BAZ1B: variants seen among roughly 807,000 people sequenced by gnomAD.
BAZ1B encodes tyrosine-protein kinase BAZ1B.
BAZ1B carries 22 observed loss-of-function variants against 153.8 expected under a neutral mutation model. The observed-to-expected ratio is 0.14, with a 90% confidence interval of 0.10 to 0.20. The LOEUF (loss-of-function observed/expected upper bound fraction) is 0.20, where lower values mean the gene tolerates loss of function less well. Among genes scored for constraint, BAZ1B ranks in the 10% least tolerant of loss-of-function variants. BAZ1B has a pLI of 1.00. For synonymous variants in BAZ1B, 676 were observed against 633.4 expected (o/e 1.07, Z -1.01); for missense variants, 1,325 against 1,799.3 (o/e 0.74, Z 4.77).
In BAZ1B at chr7:73,498,671, T is replaced by G. The variant is rs868931714; in HGVS notation, c.397A>C (p.Lys133Gln). The G allele has an allele frequency of 6.2e-7, 1 of 1,614,082 alleles. No homozygotes were observed. The highest frequency in any genetic ancestry group is 1.6e-4 in the Middle Eastern group (1 of 6,062). The change falls in exon 4 of 20, where the codon AAG (lysine) becomes CAG (glutamine). Residue 133 changes from lysine to glutamine, a missense_variant. Lys to Gln is a moderately conservative substitution (Grantham distance 53). Around this residue, in one of 9 missense-constraint regions of BAZ1B, gnomAD observed 153 missense variants for 204.8 expected, o/e 0.75. Transcript: ENST00000339594. ...EVGKEKMLKVKIVKIHPLEKV... is the reference protein window; with the variant it reads ...EVGKEKMLKVQIVKIHPLEKV... The stretch of plus-strand genomic sequence containing the variant: ...TCCAAAGGATGAATCTTCACAATCT[T>G]CACCTTGAGCATTTTCTCCTTCCCA...
chr7:73,521,330 C>A (rs1268972859), intron 1 of BAZ1B, among the ~76,000 whole-genome samples: 1 of 152,192 alleles, frequency 6.6e-6, no homozygotes, highest in Non-Finnish European at 1.5e-5. Context: ...AGTATCCCCG[C>A]AGAGATCGGG....
Position 73,477,842 on chromosome 7 carries a change from T to C in BAZ1B, c.1619A>G (p.Glu540Gly). 6.2e-7 allele frequency: 1 copy of C among 1,613,940 alleles called. No individual in the cohort carries two copies. The highest frequency in any genetic ancestry group is 8.5e-7 in the Non-Finnish European group (1 of 1,179,998). ...TTTCAAATATTCTTTCCGTTGTTCTTCAGACATAGAAGCCCACCTCTTTTT... is the reference window on the plus strand; with the variant it reads ...TTTCAAATATTCTTTCCGTTGTTCTCCAGACATAGAAGCCCACCTCTTTTT... ...EHKKRWASMS[E>G]EQRKEYLKKK... Residue 540 changes from glutamate to glycine, a missense_variant, in exon 7 of 20, where the codon GAA becomes GGA. This residue lies in a region of BAZ1B where 154 missense variants were observed against 266.3 expected (regional missense o/e 0.58). Transcript: ENST00000339594. The surrounding 1 kb of genome is among the most constrained non-coding windows in gnomAD (Gnocchi z 5.6).
At position 73,514,244 on chromosome 7, in the gene BAZ1B, G is replaced by A. The variant is rs370174067; in HGVS notation, c.108-3392C>T. ...AAAAAAACAAAACAAAAAAAAGTAG[G>A]GGCCGGCCAGGCACAGTGGCTCATG... On this transcript the variant is annotated intron_variant, in intron 1 of 19. Coordinates refer to ENST00000339594, the MANE Select transcript of BAZ1B (RefSeq NM_032408.4). Among the ~76,000 whole-genome samples, 16 of 152,162 alleles carry A rather than the reference G, an allele frequency of 1.1e-4. No individual in the cohort carries two copies. The South Asian group carries it at 1.9e-3, about 18-fold the overall frequency.
At chr7:73,482,069 T>A (rs868948874) in intron 6 of BAZ1B, among the ~76,000 whole-genome samples, 5 of 151,968 alleles carry the variant, frequency 3.3e-5, no homozygotes, top group Non-Finnish European at 5.9e-5. Context: ...AAAAAGAAAC[T>A]GGAATGTGTT....
Position 73,449,564 on chromosome 7 carries a change from CAGT to C in BAZ1B, c.3703_3705del (p.Thr1235del), listed in dbSNP as rs782588792. ...CACCTGCCACGGGAGTTGCGCCTGGCAGTAGCGGGCTGGCAAGCTGGGCACTGC... is the reference window on the plus strand; with the variant it reads ...CACCTGCCACGGGAGTTGCGCCTGGCAGCGGGCTGGCAAGCTGGGCACTGC... On this transcript the variant is annotated inframe_deletion, in exon 15 of 20. Transcript: ENST00000339594. 1.2e-6 allele frequency: 2 copies of C among 1,612,986 alleles called. No homozygotes were observed. Among genetic ancestry groups the C allele is most frequent in the Non-Finnish European group, 1.7e-6 (2 of 1,179,668 alleles).
At position 73,450,209 on chromosome 7, in the gene BAZ1B, G is replaced by A. The variant is rs1787986930; in HGVS notation, c.3581-520C>T. Reference sequence around the variant, plus strand: ...ATTACAGGCGTGAGCCACCGCGCCCGGCCCCTGATGGGTTCCCTTAAACCA... The same window carrying A: ...ATTACAGGCGTGAGCCACCGCGCCCAGCCCCTGATGGGTTCCCTTAAACCA... On this transcript the variant is annotated intron_variant, in intron 14 of 19. Transcript: ENST00000339594. The surrounding 1 kb of genome is among the most constrained non-coding windows in gnomAD (Gnocchi z 4.1). Among the ~76,000 whole-genome samples, 1 of 152,026 alleles carries A rather than the reference G, an allele frequency of 6.6e-6. No homozygotes were observed. The highest frequency in any genetic ancestry group is 1.5e-5 in the Non-Finnish European group (1 of 68,006).
intron 1 of BAZ1B, among the ~76,000 whole-genome samples, chr7:73,518,472 T>G (rs73134972): frequency 0.049 from 7,425 of 151,840 alleles, 205 homozygotes; most frequent in Non-Finnish European, 0.066. Context: ...ACGTAAGAGC[T>G]CAGTATTCCA....
chr7:73,445,939 C>T (rs1186723792), intron 16 of BAZ1B, among the ~76,000 whole-genome samples: 1 of 152,196 alleles, frequency 6.6e-6, no homozygotes, highest in Non-Finnish European at 1.5e-5. Context: ...AGAGGATATT[C>T]CTGAATGCAG....
chr7:73,498,132 G>A (rs1397932817), intron 4 of BAZ1B, among the ~76,000 whole-genome samples: 3 of 151,970 alleles, frequency 2.0e-5, no homozygotes, highest in African/African-American at 7.2e-5. Context: ...GCTAATTTTT[G>A]TATTTTTAGT....
intron 11 of BAZ1B, chr7:73,463,979 T>C (rs1328831127): frequency 2.8e-5 from 9 of 324,886 alleles, no homozygotes; most frequent in Non-Finnish European, 4.0e-5. Context: ...ATGCTGGGAT[T>C]ACAGGCGTGA....
intron 13 of BAZ1B, among the ~76,000 whole-genome samples, chr7:73,456,316 A>G (rs184216024): frequency 2.0e-5 from 3 of 152,376 alleles, no homozygotes; most frequent in Non-Finnish European, 2.9e-5. Flanking sequence ...GTTAGACTCC[A>G]TGCAAATGAA....
rs531583486 is a variant in BAZ1B, at chr7:73,475,839, G to A, written c.2593+1029C>T. ...CTCGGGAGGCTGAGGCAGGAGAATC[G>A]CTTGAATCCAGAAGGCGGAGGTTGC... is the stretch of plus-strand genomic sequence containing the variant. On this transcript the variant is annotated intron_variant, in intron 7 of 19. Coordinates refer to ENST00000339594, the MANE Select transcript of BAZ1B (RefSeq NM_032408.4). Among the ~76,000 whole-genome samples the A allele has an allele frequency of 4.7e-5, 7 of 150,358 alleles. No homozygotes were observed. In the South Asian group the frequency reaches 1.0e-3, roughly 22 times the overall value.
In BAZ1B at chr7:73,449,590, T is replaced by C; in HGVS notation, c.3680A>G (p.Gln1227Arg). 1 of 1,614,160 alleles carries C rather than the reference T, an allele frequency of 6.2e-7. No individual in the cohort carries two copies. The highest frequency in any genetic ancestry group is 8.5e-7 in the Non-Finnish European group (1 of 1,180,028). The change falls in exon 15 of 20, where the codon CAG becomes CGG. Residue 1227 changes from glutamine (Q) to arginine (R), a missense_variant. Around this residue, in one of 9 missense-constraint regions of BAZ1B, gnomAD observed 271 missense variants for 337.2 expected, o/e 0.80. Coordinates refer to ENST00000339594, the MANE Select transcript of BAZ1B (RefSeq NM_032408.4). ...AGTAGCGGGCTGGCAAGCTGGGCAC[T>C]GCCACTCACCATCTGGTACTTCATA... ...ALYEVPDGEW[Q>R]CPACQPATAR...
intron 9 of BAZ1B, among the ~76,000 whole-genome samples, chr7:73,468,161 C>T (rs1788664575): frequency 6.6e-6 from 1 of 152,132 alleles, no homozygotes; most frequent in Non-Finnish European, 1.5e-5. Context: ...CTTTATCTCC[C>T]ACATGACACC....
rs1046110911 is a variant in BAZ1B, at chr7:73,477,200, T to A, written c.2261A>T (p.His754Leu). 6.2e-7 allele frequency: 1 copy of A among 1,614,106 alleles called. No homozygotes were observed. The highest frequency in any genetic ancestry group is 1.3e-5 in the African/African-American group (1 of 74,934). Residue 754 changes from histidine to leucine, a missense_variant, in exon 7 of 20, where the codon CAC becomes CTC. Transcript: ENST00000339594. The surrounding 1 kb of genome is among the most constrained non-coding windows in gnomAD (Gnocchi z 5.6). Reference sequence around the variant, plus strand: ...CACTGAGTATGTCATGAGGATCCGGTGGCACAGTGCTGTCAAGATCTGTAG... The same window carrying A: ...CACTGAGTATGTCATGAGGATCCGGAGGCACAGTGCTGTCAAGATCTGTAG... ...EKLQILTALCHRILMTYSVQD... is the reference protein window; with the variant it reads ...EKLQILTALCLRILMTYSVQD...
chr7:73,513,445 A>G (rs983706692), intron 1 of BAZ1B, among the ~76,000 whole-genome samples: 13 of 152,200 alleles, frequency 8.5e-5, no homozygotes, highest in African/African-American at 3.1e-4. Context: ...GGTGGTGCTA[A>G]TATCTAAGTG....
At chr7:73,475,885 T>C (rs1294727279) in intron 7 of BAZ1B, among the ~76,000 whole-genome samples, 5 of 148,692 alleles carry the variant, frequency 3.4e-5, no homozygotes, top group African/African-American at 1.0e-4. Context: ...GATCAAACCA[T>C]TGCACTCTAG....
chr7:73,488,714 C>CAAAA (rs35812071), intron 6 of BAZ1B, among the ~76,000 whole-genome samples: 3 of 59,270 alleles, frequency 5.1e-5, no homozygotes, highest in Admixed American at 2.0e-4. Context: ...GACTCCAACT[C>CAAAA]AAAAAAAAAA....
intron 7 of BAZ1B, 54 bp downstream of exon 7, chr7:73,476,812 CTT>C: frequency 6.5e-7 from 1 of 1,531,660 alleles, no homozygotes; most frequent in Non-Finnish European, 8.7e-7. Flanking sequence ...CAGTAATTTC[CTT>C]TCTTTTACTA....
Sources: gnomAD v4.1 joint callset for allele counts (sites outside exome capture counted in the v4.1 genomes callset) on GRCh38, gnomAD v4.1.1 for gene constraint, gnomAD v4.1.1 regional missense constraint, Gnocchi (gnomAD v3.1) non-coding constraint, MANE v1.5 for transcripts, NCBI Gene and HGNC (gene_info 2026-07-23, HGNC 2026-07-21) for gene names.